The following AEBP2 variants were observed in gnomAD, a reference collection of about 807,000 sequenced individuals.
The protein encoded by AEBP2 is zinc finger protein AEBP2.
In AEBP2, 10 loss-of-function variants were observed where a neutral mutation model predicts 50.8. The ratio of observed to expected loss-of-function variants is 0.20; its 90% confidence interval spans 0.12 to 0.33. AEBP2 has a LOEUF of 0.33. Ranked by LOEUF, AEBP2 falls within the 10% of genes least tolerant of loss-of-function variation. AEBP2 has a pLI of 1.00. For synonymous variants in AEBP2, 296 were observed against 261.3 expected (o/e 1.13, Z -1.28); for missense variants, 570 against 688.0 (o/e 0.83, Z 1.92).
In AEBP2 at chr12:19,440,310, G is replaced by C. The variant is rs1489398170; in HGVS notation, c.611G>C (p.Arg204Pro). The C allele has an allele frequency of 6.8e-7, 1 of 1,466,782 alleles. No homozygotes were observed. The allele number at this position is 1,466,782 out of a possible 1,614,324, so 90.9% of individuals were successfully genotyped here. A position where few individuals can be genotyped will look rare whatever the true frequency, so the allele number is the denominator to read the frequency against. ...GGSSATSGGR[R>P]GSLEMSSDGE... ...AGCAGCGCGACCTCCGGGGGCCGGC[G>C]GGGCAGCTTGGAGATGTCGTCGGAT... The change falls in exon 1 of 8, where the codon CGG (arginine) becomes CCG (proline). Residue 204 changes from arginine (R) to proline (P), a missense_variant. By Grantham distance (103) the Arg-to-Pro change is moderately radical. This residue lies in a region of AEBP2 where 386 missense variants were observed against 336.8 expected (regional missense o/e 1.15). Transcript: ENST00000266508.
At chr12:19,490,175 C>T (rs1421847828) in intron 3 of AEBP2, among the ~76,000 whole-genome samples, 2 of 151,716 alleles carry the variant, frequency 1.3e-5, no homozygotes, top group Non-Finnish European at 2.9e-5. Flanking sequence ...TCTCTGAGTT[C>T]TAGATGCTAC....
At chr12:19,454,827 A>G (rs572058763) in intron 1 of AEBP2, among the ~76,000 whole-genome samples, 50 of 152,148 alleles carry the variant, frequency 3.3e-4, no homozygotes, top group Non-Finnish European at 6.2e-4. Flanking sequence ...AACACAAATG[A>G]ATTTGCTCAC....
chr12:19,456,525 C>G (rs1460390602), intron 1 of AEBP2: 4 of 1,523,684 alleles, frequency 2.6e-6, no homozygotes, highest in East Asian at 2.3e-5. Flanking sequence ...AGCAAACTTG[C>G]ATGCAGTGTG....
intron 1 of AEBP2, among the ~76,000 whole-genome samples, chr12:19,444,239 A>G (rs1205114635): frequency 1.1e-4 from 16 of 152,226 alleles, no homozygotes; most frequent in Admixed American, 1.0e-3. Flanking sequence ...ATATGGTTGA[A>G]TGAATGAGTC....
Position 19,464,521 on chromosome 12 carries a change from A to G in AEBP2, c.879+1804A>G, listed in dbSNP as rs150999294. 2.6e-3 allele frequency among the ~76,000 whole-genome samples: 401 copies of G among 152,158 alleles called. 1 individual carries two copies. The highest frequency in any genetic ancestry group is 9.4e-3 in the African/African-American group (389 of 41,540). On this transcript the variant is annotated intron_variant, in intron 2 of 7. Coordinates refer to ENST00000266508, the MANE Select transcript of AEBP2 (RefSeq NM_153207.5). ...CCTGATGAGAATTTCAGCCCTTCCC[A>G]GATTTGTAGAAAAAATGCAGTTACA... is the stretch of plus-strand genomic sequence containing the variant.
intron 1 of AEBP2, among the ~76,000 whole-genome samples, chr12:19,414,739 A>G (rs2095741303): frequency 6.6e-6 from 1 of 152,170 alleles, no homozygotes; most frequent in East Asian, 1.9e-4. Context: ...CCTGGCCAAC[A>G]TGGTCAAACC....
Position 19,518,218 on chromosome 12 carries a change from CTTTT to C in AEBP2, c.*118_*121del, listed in dbSNP as rs34795094. Reference sequence around the variant, plus strand: ...AGTTGCACATTAGAGTCAACCCCTTCTTTTTTTTTTTTTTTTTTTTAAATCCAGT... The same window carrying C: ...AGTTGCACATTAGAGTCAACCCCTTCTTTTTTTTTTTTTTTTAAATCCAGT... On this transcript the variant is annotated 3_prime_UTR_variant, in exon 8 of 8. Transcript: ENST00000266508. The C allele has an allele frequency of 3.1e-3, 3,445 of 1,129,238 alleles. No individual in the cohort carries two copies. Among genetic ancestry groups the C allele is most frequent in the East Asian group, 8.9e-3 (217 of 24,308 alleles). The allele number at this position is 1,129,238 out of a possible 1,614,324, so 70.0% of individuals were successfully genotyped here.
At chr12:19,501,714 T>C (rs1638438224) in intron 5 of AEBP2, among the ~76,000 whole-genome samples, 1 of 151,510 alleles carries the variant, frequency 6.6e-6, no homozygotes, top group South Asian at 2.1e-4. Flanking sequence ...GCATGAAAAT[T>C]GAAATACAAA....
intron 7 of AEBP2, among the ~76,000 whole-genome samples, chr12:19,515,670 A>G (rs1349845425): frequency 1.3e-5 from 2 of 152,232 alleles, no homozygotes; most frequent in Non-Finnish European, 2.9e-5. Flanking sequence ...TTTGAAGGGT[A>G]TATTCATTCC....
intron 3 of AEBP2, among the ~76,000 whole-genome samples, chr12:19,489,346 A>G (rs1217801740): frequency 6.6e-6 from 1 of 152,218 alleles, no homozygotes; most frequent in Non-Finnish European, 1.5e-5. Context: ...GGAACCTGCC[A>G]TTTTTAAAAA....
At chr12:19,490,724 C>G (rs11044604) in intron 3 of AEBP2, among the ~76,000 whole-genome samples, 3,274 of 152,240 alleles carry the variant, frequency 0.022, 41 homozygotes, top group East Asian at 0.042. Context: ...CCTCAACCTC[C>G]CAAAGTATTG....
chr12:19,518,303 C>T lies in AEBP2; in HGVS notation c.*186C>T, dbSNP rs117142368. On this transcript the variant is annotated 3_prime_UTR_variant, in exon 8 of 8. Transcript: ENST00000266508. ...CATTCTGTGAATGAAGTAGACTCTT[C>T]GGTGGAATATATTAATATATTACTG... The T allele has an allele frequency of 0.012, 14,772 of 1,277,118 alleles. 107 individuals carry two copies. The highest frequency in any genetic ancestry group is 0.013 in the Non-Finnish European group (13,405 of 1,014,436). 79.1% of individuals were successfully genotyped at this position (1,277,118 alleles called of 1,614,324 possible).
At chr12:19,412,968 T>C (rs921637311) in intron 1 of AEBP2, among the ~76,000 whole-genome samples, 8 of 152,188 alleles carry the variant, frequency 5.3e-5, no homozygotes, top group African/African-American at 1.9e-4. Flanking sequence ...CCCAGGAGGC[T>C]CGCGGCAGGG....
At chr12:19,449,553 T>C (rs10841231) in intron 1 of AEBP2, among the ~76,000 whole-genome samples, 41,046 of 152,126 alleles carry the variant, frequency 0.27, 6,806 homozygotes, top group African/African-American at 0.48. Context: ...CATTGTTGCA[T>C]AAAGTCCCTT....
At position 19,512,818 on chromosome 12, in the gene AEBP2, C is replaced by T. The variant is rs113119906; in HGVS notation, c.1367+353C>T. Among the ~76,000 whole-genome samples the T allele has an allele frequency of 4.0e-3, 607 of 151,980 alleles. 7 individuals carry two copies. Among genetic ancestry groups the T allele is most frequent in the African/African-American group, 0.014 (575 of 41,456 alleles). The stretch of plus-strand genomic sequence containing the variant: ...CAAAAATTAGCCGGGTGTGGTGGTG[C>T]GCACCCATAATCCCAGCTGCTCGGG... On this transcript the variant is annotated intron_variant, in intron 6 of 7. Transcript: ENST00000266508.
At chr12:19,432,205 C>G (rs557144074) in intron 1 of AEBP2, among the ~76,000 whole-genome samples, 22 of 152,226 alleles carry the variant, frequency 1.4e-4, no homozygotes, top group South Asian at 6.2e-4. Context: ...AGCTGTTACT[C>G]AAATCTGTCG....
chr12:19,494,322 G>C lies in AEBP2; in HGVS notation c.1174+336G>C, dbSNP rs187329310. On this transcript the variant is annotated intron_variant, in intron 4 of 7. Coordinates refer to ENST00000266508, the MANE Select transcript of AEBP2 (RefSeq NM_153207.5). ...AAAGTAAATATCAAGTGAAAGTTAAGTAATCTATCTACTCCAAAGTAGTGT... is the reference window on the plus strand; with the variant it reads ...AAAGTAAATATCAAGTGAAAGTTAACTAATCTATCTACTCCAAAGTAGTGT... 5.9e-5 allele frequency among the ~76,000 whole-genome samples: 9 copies of C among 151,938 alleles called. No homozygotes were observed. The East Asian group carries it at 1.5e-3, about 26-fold the overall frequency.
intron 2 of AEBP2, chr12:19,466,964 T>C (rs1948487463): frequency 3.8e-6 from 1 of 260,002 alleles, no homozygotes; most frequent in Non-Finnish European, 6.0e-6. Flanking sequence ...CATTGTTTTT[T>C]TCCCCCTTTT....
At chr12:19,499,540 G>T (rs376645607) in intron 4 of AEBP2, among the ~76,000 whole-genome samples, 2 of 151,664 alleles carry the variant, frequency 1.3e-5, no homozygotes, top group African/African-American at 4.8e-5. Context: ...CTTGAACCTG[G>T]GAGGCAGAGG....
Sources: gnomAD v4.1 joint callset for allele counts (sites outside exome capture counted in the v4.1 genomes callset) on GRCh38, gnomAD v4.1.1 for gene constraint, gnomAD v4.1.1 regional missense constraint, MANE v1.5 for transcripts, NCBI Gene and HGNC (gene_info 2026-07-23, HGNC 2026-07-21) for gene names.